The following FMN2 variants were observed in gnomAD, a reference collection of about 807,000 sequenced individuals.
The protein encoded by FMN2 is formin-2.
In FMN2, 51 loss-of-function variants were observed where a neutral mutation model predicts 142.3. That is an observed-to-expected ratio of 0.36 (90% CI 0.29 to 0.45). The LOEUF (loss-of-function observed/expected upper bound fraction) is 0.45. Ranked by LOEUF, FMN2 falls within the 20% of genes least tolerant of loss-of-function variation. The pLI is 1.00. For missense variants in FMN2, 1,936 were observed against 2,122.8 expected (o/e 0.91, Z 1.73); for synonymous variants, 882 against 869.8 (o/e 1.01, Z -0.25).
At chr1:240,180,398 C>A (rs7555280) in intron 3 of FMN2, among the ~76,000 whole-genome samples, 46,495 of 151,712 alleles carry the variant, frequency 0.31, 7,551 homozygotes, top group African/African-American at 0.41. Context: ...TAAGAGTGGG[C>A]ATGTCAGTAT....
At chr1:240,308,003 G>A (rs891340707) in intron 8 of FMN2, among the ~76,000 whole-genome samples, 24 of 137,574 alleles carry the variant, frequency 1.7e-4, no homozygotes, top group Non-Finnish European at 3.3e-4. Flanking sequence ...TGGCTATTAG[G>A]TACATTATAG....
chr1:240,349,825 TCTC>T (rs988076988), intron 13 of FMN2, among the ~76,000 whole-genome samples: 9 of 152,218 alleles, frequency 5.9e-5, no homozygotes, highest in Non-Finnish European at 1.2e-4. Context: ...ATGCCAACAG[TCTC>T]CTAACAAATG....
rs549248891 is a variant in FMN2, at chr1:240,231,392, G to A, written c.4065+20157G>A. 2.3e-3 allele frequency among the ~76,000 whole-genome samples: 198 copies of A among 87,908 alleles called. 44 individuals carry two copies. The highest frequency in any genetic ancestry group is 8.1e-3 in the Admixed American group (85 of 10,466). 57.7% of individuals were successfully genotyped at this position (87,908 alleles called of 152,430 possible). A position where few individuals can be genotyped will look rare whatever the true frequency, so the allele number is the denominator to read the frequency against. ...ATCATTATAAAATGCAGATGAAGAA[G>A]ATCAAATGGCAAGGTGGTTTCAGTT... On this transcript the variant is annotated intron_variant, in intron 6 of 17. Coordinates refer to ENST00000319653, the MANE Select transcript of FMN2 (RefSeq NM_020066.5).
chr1:240,252,952 A>ATTTTTTTTT (rs1572118578), intron 6 of FMN2, among the ~76,000 whole-genome samples: 3 of 33,882 alleles, frequency 8.9e-5, no homozygotes, highest in South Asian at 7.2e-4. Flanking sequence ...AGTCTTGTTC[A>ATTTTTTTTT]CTTTTTTTTT....
At chr1:240,183,170 G>A (rs1665223874) in intron 3 of FMN2, among the ~76,000 whole-genome samples, 1 of 151,398 alleles carries the variant, frequency 6.6e-6, no homozygotes. Flanking sequence ...TCCCACCTTG[G>A]CCTCCCAAAG....
intron 16 of FMN2, among the ~76,000 whole-genome samples, chr1:240,455,281 G>A (rs1264023484): frequency 1.5e-5 from 1 of 65,996 alleles, no homozygotes; most frequent in Non-Finnish European, 3.9e-5. Flanking sequence ...CACCGGGGCA[G>A]GAGGGTTAGT....
At chr1:240,272,671 G>A (rs1481958784) in intron 7 of FMN2, among the ~76,000 whole-genome samples, 1 of 152,072 alleles carries the variant, frequency 6.6e-6, no homozygotes, top group Non-Finnish European at 1.5e-5. Flanking sequence ...TTCTTGTGAG[G>A]TATATTCTAC....
intron 16 of FMN2, among the ~76,000 whole-genome samples, chr1:240,454,792 C>T (rs1049005154): frequency 3.9e-5 from 6 of 152,038 alleles, no homozygotes; most frequent in African/African-American, 1.4e-4. Flanking sequence ...GTAGCAGCAC[C>T]AGAGCACAGG....
At chr1:240,278,796 A>T (rs535222715) in intron 7 of FMN2, among the ~76,000 whole-genome samples, 5 of 152,262 alleles carry the variant, frequency 3.3e-5, no homozygotes, top group African/African-American at 1.2e-4. Flanking sequence ...GTGAAATTTG[A>T]AGTCTGCATT....
At chr1:240,233,389 A>G (rs973388582) in intron 6 of FMN2, among the ~76,000 whole-genome samples, 4 of 130,822 alleles carry the variant, frequency 3.1e-5, no homozygotes, top group African/African-American at 1.4e-4. Context: ...CATCTCAAAA[A>G]AGAAAAAAAA....
At chr1:240,220,073 G>A (rs1234447314) in intron 6 of FMN2, among the ~76,000 whole-genome samples, 2 of 152,148 alleles carry the variant, frequency 1.3e-5, no homozygotes, top group Admixed American at 6.6e-5. Flanking sequence ...GCTGTCTGGA[G>A]GAGAGTCTTC....
intron 4 of FMN2, among the ~76,000 whole-genome samples, chr1:240,203,448 G>GAT (rs925769191): frequency 1.3e-4 from 20 of 152,132 alleles, no homozygotes; most frequent in African/African-American, 4.8e-4. Context: ...GGAAAATGTG[G>GAT]ATATATACAC....
At chr1:240,126,515 C>T (rs532564326) in intron 2 of FMN2, among the ~76,000 whole-genome samples, 1 of 152,242 alleles carries the variant, frequency 6.6e-6, no homozygotes, top group East Asian at 1.9e-4. Context: ...TATTAGCCTA[C>T]TTGACTCAAC....
chr1:240,382,708 T>C (rs111837822), intron 14 of FMN2, among the ~76,000 whole-genome samples: 2 of 151,930 alleles, frequency 1.3e-5, no homozygotes, highest in African/African-American at 4.8e-5. Context: ...TCTACAAAAT[T>C]GCAGAAGTGC....
intron 1 of FMN2, among the ~76,000 whole-genome samples, chr1:240,121,799 T>G (rs1662270962): frequency 6.9e-6 from 1 of 145,426 alleles, no homozygotes; most frequent in Non-Finnish European, 1.5e-5. Context: ...TAGAGTTATA[T>G]TTCTGAGGAG....
intron 16 of FMN2, among the ~76,000 whole-genome samples, 176 bp downstream of exon 16, chr1:240,438,386 C>G (rs9700311): frequency 0.51 from 78,256 of 151,980 alleles, 21,607 homozygotes; most frequent in Non-Finnish European, 0.62. Context: ...TAAGAAGAGT[C>G]AGCACAGAAG....
chr1:240,111,089 T>C (rs1384924491), intron 1 of FMN2, among the ~76,000 whole-genome samples: 1 of 152,118 alleles, frequency 6.6e-6, no homozygotes, highest in African/African-American at 2.4e-5. Flanking sequence ...CAGGTAACAT[T>C]TATTGGGTAC....
At position 240,091,924 on chromosome 1, in the gene FMN2, G is replaced by T. The variant is rs944922174; in HGVS notation, c.-186G>T. The stretch of plus-strand genomic sequence containing the variant: ...CGACGGCAGCCACGGGAGCCGCCGC[G>T]CATTATGCAAAGCGGCGGCAGATGC... On this transcript the variant is annotated 5_prime_UTR_variant, in exon 1 of 18. Coordinates refer to ENST00000319653, the MANE Select transcript of FMN2 (RefSeq NM_020066.5). The T allele has an allele frequency of 9.9e-7, 1 of 1,014,964 alleles. No homozygotes were observed. The allele number at this position is 1,014,964 out of a possible 1,614,324, so 62.9% of individuals were successfully genotyped here. A position where few individuals can be genotyped will look rare whatever the true frequency, so the allele number is the denominator to read the frequency against.
At chr1:240,135,611 C>T (rs1484019061) in intron 2 of FMN2, among the ~76,000 whole-genome samples, 1 of 151,224 alleles carries the variant, frequency 6.6e-6, no homozygotes, top group East Asian at 1.9e-4. Context: ...AAGTAGAAGG[C>T]TTTCAATATA....
Sources: gnomAD v4.1 joint callset for allele counts (sites outside exome capture counted in the v4.1 genomes callset) on GRCh38, gnomAD v4.1.1 for gene constraint, MANE v1.5 for transcripts, NCBI Gene and HGNC (gene_info 2026-07-23, HGNC 2026-07-21) for gene names.